The following MSI2 variants were observed in gnomAD, a reference collection of about 807,000 sequenced individuals.
MSI2 encodes musashi RNA binding protein 2, also known as RNA-binding protein Musashi homolog 2.
A neutral mutation model predicts 45.6 loss-of-function variants in MSI2; 17 were observed. The ratio of observed to expected loss-of-function variants is 0.37; its 90% CI spans 0.26 to 0.56. The LOEUF (loss-of-function observed/expected upper bound fraction) is 0.56. Ranked by LOEUF, MSI2 falls within the 20% of genes least tolerant of loss-of-function variation. MSI2 has a pLI of 0.77. For synonymous variants in MSI2, 156 were observed against 158.2 expected (o/e 0.99, Z 0.11); for missense variants, 293 against 444.2 (o/e 0.66, Z 3.06).
intron 6 of MSI2, among the ~76,000 whole-genome samples, chr17:57,526,404 TGTGTGA>T (rs1369380397): frequency 8.7e-6 from 1 of 114,692 alleles, no homozygotes; most frequent in African/African-American, 3.7e-5. Flanking sequence ...TGTGTGTGTG[TGTGTGA>T]CAGAGAGAGA....
At chr17:57,654,953 G>C (rs1911482603) in intron 11 of MSI2, among the ~76,000 whole-genome samples, 1 of 150,248 alleles carries the variant, frequency 6.7e-6, no homozygotes, top group African/African-American at 2.5e-5. Flanking sequence ...TGACTTATAG[G>C]GGAAGCTTCC....
chr17:57,488,823 T>TA (rs74268855), intron 6 of MSI2, among the ~76,000 whole-genome samples: 2,169 of 140,248 alleles, frequency 0.015, 52 homozygotes, highest in African/African-American at 0.052. Flanking sequence ...AAACTCCGTC[T>TA]AAAAAAAAAA....
chr17:57,617,357 T>A (rs1328054649), intron 9 of MSI2, among the ~76,000 whole-genome samples: 2 of 152,154 alleles, frequency 1.3e-5, no homozygotes, highest in African/African-American at 2.4e-5. Context: ...GAGAAAATGT[T>A]TTTAAAAAGA....
intron 5 of MSI2, among the ~76,000 whole-genome samples, chr17:57,395,677 G>A (rs1434893515): frequency 6.6e-6 from 1 of 152,188 alleles, no homozygotes; most frequent in Non-Finnish European, 1.5e-5. Context: ...AGCCCTGCTC[G>A]TGGGTCTGGC....
chr17:57,573,071 T>C (rs566386502), intron 7 of MSI2, among the ~76,000 whole-genome samples: 129 of 152,180 alleles, frequency 8.5e-4, no homozygotes, highest in African/African-American at 2.9e-3. Context: ...ACATGTCCAA[T>C]GGGAAGGCGA....
downstream of MSI2, among the ~76,000 whole-genome samples, chr17:57,686,452 G>A (rs1247840010): frequency 1.3e-5 from 2 of 152,138 alleles, no homozygotes; most frequent in Non-Finnish European, 2.9e-5. Flanking sequence ...ATATGAATGG[G>A]TTGAATTTTC....
intron 10 of MSI2, among the ~76,000 whole-genome samples, chr17:57,648,569 A>G (rs1226839352): frequency 1.3e-5 from 2 of 152,114 alleles, no homozygotes; most frequent in Non-Finnish European, 2.9e-5. Context: ...CACATTGGCC[A>G]GGGAAGCTAT....
chr17:57,526,766 C>T (rs1027552145), intron 6 of MSI2, among the ~76,000 whole-genome samples: 1 of 152,124 alleles, frequency 6.6e-6, no homozygotes, highest in African/African-American at 2.4e-5. Flanking sequence ...GTTTCTCTTT[C>T]CTCTCTAGCT....
intron 7 of MSI2, among the ~76,000 whole-genome samples, chr17:57,562,550 C>T (rs1456045590): frequency 6.6e-6 from 1 of 152,232 alleles, no homozygotes; most frequent in Admixed American, 6.5e-5. Flanking sequence ...CCCAGCTCTC[C>T]AGCAGAATGC....
intron 4 of MSI2, among the ~76,000 whole-genome samples, chr17:57,260,628 G>T (rs1037246152): frequency 1.3e-5 from 2 of 151,090 alleles, no homozygotes; most frequent in African/African-American, 2.4e-5. Flanking sequence ...GGACACACCT[G>T]TAGATGCAGT....
chr17:57,679,728 A>G lies in MSI2; in HGVS notation c.*211A>G. The G allele has an allele frequency of 6.0e-6, 3 of 500,178 alleles. No homozygotes were observed. Among genetic ancestry groups the G allele is most frequent in the South Asian group, 9.3e-5 (1 of 10,724 alleles). The allele number at this position is 500,178 out of a possible 1,614,324, so 31.0% of individuals were successfully genotyped here. On this transcript the variant is annotated 3_prime_UTR_variant, in exon 14 of 14. Transcript: ENST00000284073. ...CACGAATCTGCTGTAATATAAGACA[A>G]CAGCTTTTAAATGTGTATATAACCC...
intron 6 of MSI2, among the ~76,000 whole-genome samples, chr17:57,467,131 A>G (rs2143659211): frequency 6.6e-6 from 1 of 152,364 alleles, no homozygotes; most frequent in Admixed American, 6.5e-5. Context: ...ATGAGGGTGC[A>G]CAGATTGGGA....
chr17:57,685,895 T>TG (rs1453232361), downstream of MSI2, among the ~76,000 whole-genome samples: 1 of 152,246 alleles, frequency 6.6e-6, no homozygotes, highest in Non-Finnish European at 1.5e-5. Flanking sequence ...CTCCTCATCC[T>TG]GATTGCTCAG....
At chr17:57,264,033 C>G (rs1282332441) in intron 5 of MSI2, 1 of 152,216 alleles carries the variant, frequency 6.6e-6, no homozygotes, top group Non-Finnish European at 1.5e-5. Context: ...TCAGTGTGCT[C>G]ATCTGTAAAG....
At chr17:57,542,477 A>G (rs907041007) in intron 7 of MSI2, among the ~76,000 whole-genome samples, 1 of 152,196 alleles carries the variant, frequency 6.6e-6, no homozygotes, top group African/African-American at 2.4e-5. Flanking sequence ...GATTAATGTC[A>G]TGTTAGATGT....
At chr17:57,511,587 C>T (rs1230556034) in intron 6 of MSI2, among the ~76,000 whole-genome samples, 1 of 152,074 alleles carries the variant, frequency 6.6e-6, no homozygotes, top group Non-Finnish European at 1.5e-5. Context: ...CTCGTGCGTA[C>T]GGATGTTGTT....
chr17:57,539,899 G>A (rs896732687), intron 7 of MSI2, among the ~76,000 whole-genome samples: 1 of 152,180 alleles, frequency 6.6e-6, no homozygotes, highest in Non-Finnish European at 1.5e-5. Context: ...TAGTAAACAC[G>A]TGGGGACCTT....
chr17:57,321,167 G>A (rs1913305698), intron 5 of MSI2, among the ~76,000 whole-genome samples: 2 of 151,922 alleles, frequency 1.3e-5, no homozygotes. Flanking sequence ...CCCTCCAAAC[G>A]TGGCTCAGCC....
intron 6 of MSI2, among the ~76,000 whole-genome samples, chr17:57,444,216 C>T (rs1411225668): frequency 6.6e-6 from 1 of 152,192 alleles, no homozygotes; most frequent in Non-Finnish European, 1.5e-5. Context: ...ACAGCCACTG[C>T]TCACACAGCG....
Sources: allele counts gnomAD v4.1 joint callset (sites outside exome capture counted in the v4.1 genomes callset), GRCh38; gene constraint gnomAD v4.1.1; transcripts MANE v1.5; gene names NCBI Gene and HGNC (gene_info 2026-07-23, HGNC 2026-07-21).